The following GALNT13 variants were observed in gnomAD, a reference collection of about 807,000 sequenced individuals.
GALNT13 encodes UDP-GalNAc:polypeptide N-acetylgalactosaminyltransferase 13.
GALNT13 carries 28 observed loss-of-function variants against 64.2 expected under a neutral mutation model. That is an observed-to-expected ratio of 0.44 (90% CI 0.32 to 0.60). The LOEUF (loss-of-function observed/expected upper bound fraction) is 0.60. Among genes scored for constraint, GALNT13 ranks in the 20% least tolerant of loss-of-function variants. GALNT13 has a pLI of 0.05. For missense variants in GALNT13, 577 were observed against 669.8 expected (o/e 0.86, Z 1.53); for synonymous variants, 214 against 224.6 (o/e 0.95, Z 0.42).
At chr2:153,659,360 G>A in the GALNT13 span, among the ~76,000 whole-genome samples, 1 of 152,032 alleles carries the variant, frequency 6.6e-6, no homozygotes, top group African/African-American at 2.4e-5. Context: ...TATATTAAAT[G>A]TCTGCTTTGA....
the GALNT13 span, among the ~76,000 whole-genome samples, chr2:153,848,757 A>G: frequency 6.6e-6 from 1 of 151,978 alleles, no homozygotes; most frequent in African/African-American, 2.4e-5. Context: ...GAGACAAGAC[A>G]AAATAGGCAA....
chr2:153,247,375 A>G, the GALNT13 span, among the ~76,000 whole-genome samples: 1 of 152,228 alleles, frequency 6.6e-6, no homozygotes, highest in Non-Finnish European at 1.5e-5. Flanking sequence ...AATATCTACT[A>G]CATAATTGGA....
chr2:154,009,609 C>T (rs1281653546), intron 3 of GALNT13, among the ~76,000 whole-genome samples: 1 of 151,476 alleles, frequency 6.6e-6, no homozygotes, highest in Non-Finnish European at 1.5e-5. Flanking sequence ...TCCTATCTCA[C>T]CCTCCCAAGT....
intron 12 of GALNT13, among the ~76,000 whole-genome samples, chr2:154,440,888 AT>A (rs952877571): frequency 6.6e-5 from 10 of 151,944 alleles, no homozygotes; most frequent in African/African-American, 2.2e-4. Flanking sequence ...GTTAAAAAGG[AT>A]TTTTTTTAAA....
intron 4 of GALNT13, among the ~76,000 whole-genome samples, chr2:154,150,340 T>C (rs1683912834): frequency 6.6e-6 from 1 of 151,936 alleles, no homozygotes; most frequent in Non-Finnish European, 1.5e-5. Flanking sequence ...CAGTATTTTA[T>C]TGAGGATTTT....
the GALNT13 span, among the ~76,000 whole-genome samples, chr2:153,097,151 A>G: frequency 8.6e-5 from 13 of 152,004 alleles, no homozygotes; most frequent in Admixed American, 2.0e-4. Context: ...ACTAATAAAA[A>G]CTCTATGCCT....
the GALNT13 span, among the ~76,000 whole-genome samples, chr2:153,506,199 T>C: frequency 2.0e-5 from 3 of 152,188 alleles, no homozygotes; most frequent in African/African-American, 7.2e-5. Context: ...TGGAATATCT[T>C]TTTCCACACC....
At chr2:154,020,758 G>C (rs544449869) in intron 3 of GALNT13, among the ~76,000 whole-genome samples, 77 of 151,468 alleles carry the variant, frequency 5.1e-4, no homozygotes, top group African/African-American at 1.8e-3. Context: ...TGGTGTTTTA[G>C]ACATGAAGTC....
the GALNT13 span, among the ~76,000 whole-genome samples, chr2:153,712,733 A>G: frequency 6.6e-6 from 1 of 152,184 alleles, no homozygotes; most frequent in African/African-American, 2.4e-5. Flanking sequence ...TTTAAGTGTA[A>G]CAGAGACGTC....
At chr2:153,087,743 C>G in the GALNT13 span, among the ~76,000 whole-genome samples, 1 of 152,030 alleles carries the variant, frequency 6.6e-6, no homozygotes, top group Non-Finnish European at 1.5e-5. Flanking sequence ...TCTAGATTTT[C>G]TAGTTTGCAT....
chr2:153,685,673 A>T, the GALNT13 span, among the ~76,000 whole-genome samples: 1,279 of 151,552 alleles, frequency 8.4e-3, 10 homozygotes, highest in Middle Eastern at 0.065. Context: ...GTTTAATTAG[A>T]CCCCATTTGT....
At chr2:154,386,196 A>G (rs1698506358) in intron 9 of GALNT13, among the ~76,000 whole-genome samples, 1 of 152,040 alleles carries the variant, frequency 6.6e-6, no homozygotes, top group African/African-American at 2.4e-5. Flanking sequence ...TCAGTGATGC[A>G]GCTGAGGAGA....
the GALNT13 span, among the ~76,000 whole-genome samples, chr2:153,764,427 T>C: frequency 6.6e-6 from 1 of 151,912 alleles, no homozygotes; most frequent in Non-Finnish European, 1.5e-5. Context: ...TCCAAACTAC[T>C]CAGGAGGCTG....
At chr2:153,662,466 T>C in the GALNT13 span, among the ~76,000 whole-genome samples, 1 of 152,200 alleles carries the variant, frequency 6.6e-6, no homozygotes, top group African/African-American at 2.4e-5. Flanking sequence ...CAGATTCATT[T>C]CTGTAATTAC....
At chr2:154,413,137 A>G (rs1028412131) in intron 11 of GALNT13, among the ~76,000 whole-genome samples, 1 of 151,692 alleles carries the variant, frequency 6.6e-6, no homozygotes, top group Non-Finnish European at 1.5e-5. Flanking sequence ...TACAGCCCCA[A>G]CCTCTCTCCT....
At chr2:153,703,612 G>C in the GALNT13 span, among the ~76,000 whole-genome samples, 4 of 151,992 alleles carry the variant, frequency 2.6e-5, no homozygotes, top group African/African-American at 9.7e-5. Context: ...TCTCTTGTTA[G>C]GATTTTATTA....
At chr2:153,272,132 A>G in the GALNT13 span, among the ~76,000 whole-genome samples, 1 of 152,204 alleles carries the variant, frequency 6.6e-6, no homozygotes, top group African/African-American at 2.4e-5. Context: ...TAAAGACTTA[A>G]ACATAAGACC....
the GALNT13 span, among the ~76,000 whole-genome samples, chr2:153,293,085 AT>A: frequency 1.3e-5 from 2 of 151,770 alleles, no homozygotes; most frequent in East Asian, 3.9e-4. Context: ...TCATCCAGGC[AT>A]TTTTTTACTT....
intron 8 of GALNT13, among the ~76,000 whole-genome samples, chr2:154,278,788 G>T (rs1052661368): frequency 6.6e-6 from 1 of 152,084 alleles, no homozygotes; most frequent in Non-Finnish European, 1.5e-5. Context: ...AAGATAATTG[G>T]ATTGTGAAAA....
Sources: gnomAD v4.1 joint callset for allele counts (sites outside exome capture counted in the v4.1 genomes callset) on GRCh38, gnomAD v4.1.1 for gene constraint, MANE v1.5 for transcripts, NCBI Gene and HGNC (gene_info 2026-07-23, HGNC 2026-07-21) for gene names.